SPG11: variants seen among roughly 807,000 people sequenced by gnomAD.
SPG11 encodes the protein SPG11 vesicle trafficking associated, spatacsin.
A neutral mutation model predicts 274.0 loss-of-function variants in SPG11; 222 were observed. The ratio of observed to expected loss-of-function variants is 0.81; its 90% CI spans 0.73 to 0.91. The LOEUF is 0.91. SPG11 is among the 40% of genes least tolerant of loss of function. The pLI is 0.00. For missense variants in SPG11, 3,114 were observed against 2,872.7 expected (o/e 1.08, Z -1.92); for synonymous variants, 1,144 against 1,039.7 (o/e 1.10, Z -1.93).
At position 44,608,611 on chromosome 15, in the gene SPG11, T is replaced by TAA. The variant is rs753333408; in HGVS notation, c.3292-8_3292-7dup. 5 of 1,613,158 alleles carry TAA rather than the reference T, an allele frequency of 3.1e-6. No homozygotes were observed. In the East Asian group the frequency reaches 6.7e-5, roughly 22 times the overall value. ...TTTTCTTCATTCTGAACAACCTAAG[T>TAA]AAAAAAACAGATAACAGGTTGGACA... On this transcript the variant is annotated splice_polypyrimidine_tract_variant and splice_region_variant and intron_variant, in intron 18 of 39. Coordinates refer to ENST00000261866, the MANE Select transcript of SPG11 (RefSeq NM_025137.4).
chr15:44,596,285 G>A lies in SPG11; in HGVS notation c.4232C>T (p.Pro1411Leu), dbSNP rs2140972200. Residue 1411 changes from proline (P) to leucine (L), a missense_variant, in exon 25 of 40, where the codon CCC becomes CTC. Transcript: ENST00000261866. ...GTCCATTTTGGAGGTGGGCACTGAGGGCAAGTTCTCAAAAGCCAGCCTTAA... is the reference window on the plus strand; with the variant it reads ...GTCCATTTTGGAGGTGGGCACTGAGAGCAAGTTCTCAAAAGCCAGCCTTAA... The part of the protein sequence containing the change: ...DHLRLAFENL[P>L]SVPTSKMDSD... The A allele has an allele frequency of 1.9e-6, 3 of 1,614,110 alleles. No homozygotes were observed. The highest frequency in any genetic ancestry group is 2.5e-6 in the Non-Finnish European group (3 of 1,180,016).
intron 38 of SPG11, 136 bp from the exon 39 acceptor site, chr15:44,564,834 T>C (rs1476504548): frequency 1.0e-6 from 1 of 991,392 alleles, no homozygotes; most frequent in African/African-American, 1.6e-5. Flanking sequence ...TAAAAGGCTC[T>C]ATGTATCAGA....
Position 44,596,960 on chromosome 15 carries a change from A to G in SPG11, c.4002-17T>C. The G allele has an allele frequency of 6.2e-7, 1 of 1,613,656 alleles. No homozygotes were observed. The highest frequency in any genetic ancestry group is 1.1e-5 in the South Asian group (1 of 91,050). The stretch of plus-strand genomic sequence containing the variant: ...CTGGATAACCTATAATCAGAATTAG[A>G]GGTGGGGGTGGTCAAGAAAAAACAA... On this transcript the variant is annotated splice_polypyrimidine_tract_variant and intron_variant, in intron 23 of 39. Coordinates refer to ENST00000261866, the MANE Select transcript of SPG11 (RefSeq NM_025137.4).
chr15:44,563,261 G>T lies in SPG11; in HGVS notation c.7192C>A (p.Leu2398Met). The change falls in exon 40 of 40, where the codon CTG becomes ATG. Residue 2398 changes from leucine to methionine, a missense_variant. Coordinates refer to ENST00000261866, the MANE Select transcript of SPG11 (RefSeq NM_025137.4). The stretch of plus-strand genomic sequence containing the variant: ...TCACAATATGTGAGTAATTTCTTCA[G>T]GTTTTCCATGACCATGTCAGTAGGC... ...HQPTDMVMENLKKLLTYCEDV... is the reference protein window; with the variant it reads ...HQPTDMVMENMKKLLTYCEDV... The T allele has an allele frequency of 6.2e-7, 1 of 1,613,950 alleles. No individual in the cohort carries two copies. The highest frequency in any genetic ancestry group is 2.2e-5 in the East Asian group (1 of 44,880).
chr15:44,627,342 C>T (rs2083929821), intron 10 of SPG11, among the ~76,000 whole-genome samples: 2 of 152,142 alleles, frequency 1.3e-5, no homozygotes, highest in Non-Finnish European at 2.9e-5. Context: ...GATCTGTAAA[C>T]CCCATTAAGC....
In SPG11 at chr15:44,621,802, T is replaced by G. The variant is rs753130399; in HGVS notation, c.2577A>C (p.Gln859His). Residue 859 changes from glutamine to histidine, a missense_variant, in exon 14 of 40, where the codon CAA becomes CAC. By Grantham distance (24) the Gln-to-His change is conservative. Coordinates refer to ENST00000261866, the MANE Select transcript of SPG11 (RefSeq NM_025137.4). ...GGAGAAGGATGGATTCTTGTGTTAG[T>G]TGATCCCACCACAGAGCCCAATTTA... is the stretch of plus-strand genomic sequence containing the variant. ...IVLNWALWWD[Q>H]LTQESILLPR... 2 of 1,614,078 alleles carry G rather than the reference T, an allele frequency of 1.2e-6. No individual in the cohort carries two copies. Among genetic ancestry groups the G allele is most frequent in the Non-Finnish European group, 1.7e-6 (2 of 1,179,980 alleles).
chr15:44,631,803 CTTTTTTTTTTT>C (rs1205482825), intron 8 of SPG11, among the ~76,000 whole-genome samples: 1 of 100,470 alleles, frequency 1.0e-5, no homozygotes, highest in East Asian at 2.8e-4. Flanking sequence ...CTGCACCCAG[CTTTTTTTTTTT>C]TTTTTTTTTT....
At chr15:44,603,857 A>C (rs542652015) in intron 20 of SPG11, among the ~76,000 whole-genome samples, 490 of 152,228 alleles carry the variant, frequency 3.2e-3, no homozygotes, top group South Asian at 0.014. Flanking sequence ...AATTGGTATT[A>C]TTTTTAATTG....
intron 28 of SPG11, 65 bp downstream of exon 28, chr15:44,589,187 A>G: frequency 3.9e-6 from 6 of 1,555,284 alleles, no homozygotes; most frequent in South Asian, 3.4e-5. Context: ...CTACCCCTCT[A>G]AAGTATTTTC....
rs1253367177 is a variant in SPG11 at position 44,570,637 on chromosome 15, G to C, written c.6365C>G (p.Ala2122Gly). The C allele has an allele frequency of 1.2e-6, 2 of 1,614,028 alleles. No individual in the cohort carries two copies. Among genetic ancestry groups the C allele is most frequent in the South Asian group, 2.2e-5 (2 of 91,048 alleles). ...GCACGTCAGGGTGAAGCAATGATGG[G>C]CCAGGATCAGGAGCTCTGTGGCTGG... Reference protein sequence around the residue: ...LSCTTELLILAHHCFTLTCHM... With the variant: ...LSCTTELLILGHHCFTLTCHM... The change falls in exon 34 of 40, where the codon GCC (alanine) becomes GGC (glycine). Residue 2122 changes from alanine (A) to glycine (G), a missense_variant. Ala to Gly is a moderately conservative substitution (Grantham distance 60). Transcript: ENST00000261866.
At chr15:44,653,872 AT>A (rs960569744) in intron 4 of SPG11, among the ~76,000 whole-genome samples, 126 of 150,904 alleles carry the variant, frequency 8.3e-4, no homozygotes, top group African/African-American at 2.7e-3. Context: ...CACTTATATG[AT>A]TTTTTTTTTC....
chr15:44,656,652 G>A (rs2084949450), intron 4 of SPG11, among the ~76,000 whole-genome samples: 1 of 152,102 alleles, frequency 6.6e-6, no homozygotes, highest in Admixed American at 6.6e-5. Context: ...TAATGCCTAG[G>A]GTATGGCTGT....
intron 11 of SPG11, among the ~76,000 whole-genome samples, chr15:44,625,319 C>T (rs2083866814): frequency 6.6e-6 from 1 of 152,066 alleles, no homozygotes; most frequent in South Asian, 2.1e-4. Flanking sequence ...TACAGGTGTG[C>T]TATGGTTTGG....
At position 44,579,661 on chromosome 15, in the gene SPG11, A is replaced by C. The variant is rs575958200; in HGVS notation, c.5866+4153T>G. Among the ~76,000 whole-genome samples the C allele has an allele frequency of 3.9e-5, 6 of 152,316 alleles. No individual in the cohort carries two copies. The South Asian group carries it at 1.0e-3, about 26-fold the overall frequency. On this transcript the variant is annotated intron_variant, in intron 30 of 39. Coordinates refer to ENST00000261866, the MANE Select transcript of SPG11 (RefSeq NM_025137.4). ...AAAGAATTTAAAGCAGCTATAATAC[A>C]AATGTTCCAATAAGCAATTCTGAAT...
chr15:44,660,546 T>C lies in SPG11; in HGVS notation c.328A>G (p.Asn110Asp), dbSNP rs139498464. The C allele has an allele frequency of 8.6e-5, 139 of 1,614,186 alleles. No homozygotes were observed. The highest frequency in any genetic ancestry group is 1.1e-4 in the Non-Finnish European group (127 of 1,180,016). Reference protein sequence around the residue: ...EKPKLLALGENYELLIYEFNL... With the variant: ...EKPKLLALGEDYELLIYEFNL... ...AATTCATAGATAAGCAGTTCATAAT[T>C]TTCACCAAGAGCGAGCAGTTTGGGC... The change falls in exon 2 of 40, where the codon AAT becomes GAT. Residue 110 changes from asparagine (N) to aspartate (D), a missense_variant. Asn to Asp is a conservative substitution (Grantham distance 23, BLOSUM62 1). Coordinates refer to ENST00000261866, the MANE Select transcript of SPG11 (RefSeq NM_025137.4).
intron 21 of SPG11, among the ~76,000 whole-genome samples, chr15:44,599,685 ATACTT>A (rs755295757): frequency 2.2e-4 from 33 of 152,192 alleles, no homozygotes; most frequent in Non-Finnish European, 4.3e-4. Context: ...AACTACTTGA[ATACTT>A]TACCATAAAA....
At chr15:44,645,957 T>C (rs2084596196) in intron 7 of SPG11, among the ~76,000 whole-genome samples, 1 of 152,112 alleles carries the variant, frequency 6.6e-6, no homozygotes, top group African/African-American at 2.4e-5. Flanking sequence ...TCAGAATGGC[T>C]ATTATGAAAA....
At chr15:44,566,576 G>A (rs149071362) in intron 36 of SPG11, among the ~76,000 whole-genome samples, 3 of 152,288 alleles carry the variant, frequency 2.0e-5, no homozygotes, top group African/African-American at 7.2e-5. Context: ...GTTGGTTCCT[G>A]GTGGATGATA....
At chr15:44,660,341 G>T in intron 2 of SPG11, 91 bp downstream of exon 2, 1 of 1,208,330 alleles carries the variant, frequency 8.3e-7, no homozygotes, top group Non-Finnish European at 1.2e-6. Flanking sequence ...GCGTAGACCT[G>T]ATTTCACCTC....
Sources: gnomAD v4.1 joint callset for allele counts (sites outside exome capture counted in the v4.1 genomes callset) on GRCh38, gnomAD v4.1.1 for gene constraint, MANE v1.5 for transcripts, NCBI Gene and HGNC (gene_info 2026-07-23, HGNC 2026-07-21) for gene names.